The following TENM2 variants were observed in gnomAD, a reference collection of about 807,000 sequenced individuals.
TENM2 encodes teneurin-2.
A neutral mutation model predicts 245.2 loss-of-function variants in TENM2; 52 were observed. That is an observed-to-expected ratio of 0.21 (90% CI 0.17 to 0.27). TENM2 has a LOEUF of 0.27. Among genes scored for constraint, TENM2 ranks in the 10% least tolerant of loss-of-function variants. The probability of loss-of-function intolerance (pLI) is 1.00; values close to 1 mark genes in which losing one functional copy is unlikely to be tolerated. For synonymous variants in TENM2, 1,363 were observed against 1,438.9 expected (o/e 0.95, Z 1.19); for missense variants, 3,046 against 3,666.8 (o/e 0.83, Z 4.37).
At chr5:167,413,324 C>CAAT (rs1159118858) in intron 2 of TENM2, among the ~76,000 whole-genome samples, 3 of 151,986 alleles carry the variant, frequency 2.0e-5, no homozygotes, top group Non-Finnish European at 2.9e-5. Flanking sequence ...ACGATGTATT[C>CAAT]AATTTCTTCT....
chr5:167,572,106 T>G (rs1774304128), intron 2 of TENM2, among the ~76,000 whole-genome samples: 2 of 152,172 alleles, frequency 1.3e-5, no homozygotes, highest in African/African-American at 2.4e-5. Context: ...CTAAGCACAT[T>G]AGGGTGGAGG....
intron 2 of TENM2, among the ~76,000 whole-genome samples, chr5:167,716,500 A>G (rs1245836114): frequency 1.3e-5 from 2 of 152,198 alleles, no homozygotes; most frequent in African/African-American, 2.4e-5. Context: ...ATATTTACAT[A>G]CCTTCCAGAT....
chr5:168,002,098 G>C (rs560192315), intron 5 of TENM2, among the ~76,000 whole-genome samples: 3 of 152,270 alleles, frequency 2.0e-5, no homozygotes, highest in East Asian at 1.9e-4. Flanking sequence ...TCTTTCAAAG[G>C]CTTTTTTTGT....
chr5:167,479,206 TGTAAAGA>T (rs774769277), intron 2 of TENM2, among the ~76,000 whole-genome samples: 3 of 152,220 alleles, frequency 2.0e-5, no homozygotes, highest in Non-Finnish European at 2.9e-5. Flanking sequence ...ATGGTTTTTT[TGTAAAGA>T]CCAGAATACT....
intron 2 of TENM2, among the ~76,000 whole-genome samples, chr5:167,556,350 T>C (rs1156763108): frequency 6.6e-6 from 1 of 151,880 alleles, no homozygotes; most frequent in Non-Finnish European, 1.5e-5. Flanking sequence ...AAGGCAATAA[T>C]GGCATCTTTC....
the TENM2 span, among the ~76,000 whole-genome samples, chr5:167,204,372 A>G: frequency 6.6e-6 from 1 of 152,220 alleles, no homozygotes; most frequent in East Asian, 1.9e-4. Flanking sequence ...ATCAGTGAGA[A>G]GATTAATGTG....
the TENM2 span, among the ~76,000 whole-genome samples, chr5:167,263,412 A>AGG: frequency 1.3e-5 from 2 of 152,194 alleles, no homozygotes; most frequent in African/African-American, 4.8e-5. Flanking sequence ...TATATGCAGA[A>AGG]ACCCTGCTCC....
the TENM2 span, among the ~76,000 whole-genome samples, chr5:167,062,479 A>T: frequency 0.03 from 4,450 of 146,186 alleles, 94 homozygotes; most frequent in South Asian, 0.092. Context: ...ATTCACTAAG[A>T]CTCCATGTCC....
the TENM2 span, among the ~76,000 whole-genome samples, chr5:167,279,558 CTTCCTTCCTTCT>C: frequency 1.6e-5 from 2 of 123,168 alleles, no homozygotes; most frequent in Non-Finnish European, 3.3e-5. Context: ...TCCTTCCTTC[CTTCCTTCCTTCT>C]TTCTTCTGTT....
At position 167,948,094 on chromosome 5, in the gene TENM2, A is replaced by G. The variant is rs555584540; in HGVS notation, c.713-4494A>G. ...AACAATTTCTTCCTTAGAGCCCCTG[A>G]AAGTCTTCCTTTATATGTTGTTTAA... is the stretch of plus-strand genomic sequence containing the variant. On this transcript the variant is annotated intron_variant, in intron 3 of 28. Coordinates refer to ENST00000518659, the Ensembl canonical transcript of TENM2. 1.1e-4 allele frequency among the ~76,000 whole-genome samples: 17 copies of G among 152,324 alleles called. No homozygotes were observed. The South Asian group carries it at 3.5e-3, about 32-fold the overall frequency.
chr5:168,110,894 T>C (rs1794623482), intron 9 of TENM2, among the ~76,000 whole-genome samples: 1 of 152,224 alleles, frequency 6.6e-6, no homozygotes, highest in Admixed American at 6.5e-5. Flanking sequence ...CCCATATCTC[T>C]ACAGGTATTT....
intron 2 of TENM2, among the ~76,000 whole-genome samples, chr5:167,783,175 T>TG (rs1372628241): frequency 6.6e-6 from 1 of 150,824 alleles, no homozygotes; most frequent in Non-Finnish European, 1.5e-5. Context: ...AGAAACAGGT[T>TG]TTTTTTTTTT....
chr5:167,025,811 G>A, the TENM2 span, among the ~76,000 whole-genome samples: 234 of 152,218 alleles, frequency 1.5e-3, no homozygotes, highest in African/African-American at 5.3e-3. Flanking sequence ...AAGATAGTAT[G>A]TCAAGTTCCT....
chr5:167,072,022 T>C, the TENM2 span, among the ~76,000 whole-genome samples: 9 of 151,988 alleles, frequency 5.9e-5, no homozygotes, highest in African/African-American at 2.2e-4. Context: ...AGTCTTAAAT[T>C]GCTGCTTGAC....
intron 2 of TENM2, among the ~76,000 whole-genome samples, chr5:167,482,976 G>A (rs1213217094): frequency 3.3e-5 from 5 of 152,146 alleles, no homozygotes; most frequent in South Asian, 2.1e-4. Flanking sequence ...CTTTCACTAC[G>A]TTAAATTCAG....
At chr5:167,029,432 G>T in the TENM2 span, among the ~76,000 whole-genome samples, 176 of 152,320 alleles carry the variant, frequency 1.2e-3, 1 homozygote, top group Non-Finnish European at 1.8e-3. Context: ...GCTTTAGTTT[G>T]TCTGAAAGAT....
intron 9 of TENM2, among the ~76,000 whole-genome samples, chr5:168,101,043 G>A (rs1179994427): frequency 6.6e-6 from 1 of 152,132 alleles, no homozygotes; most frequent in Non-Finnish European, 1.5e-5. Flanking sequence ...GTCAATGGCA[G>A]GGGGCACATC....
chr5:167,364,496 T>G (rs1759919263), intron 1 of TENM2, among the ~76,000 whole-genome samples: 1 of 152,046 alleles, frequency 6.6e-6, no homozygotes, highest in Admixed American at 6.6e-5. Flanking sequence ...TCATACCAAT[T>G]AAAAGACAGA....
At chr5:167,143,874 C>G in the TENM2 span, among the ~76,000 whole-genome samples, 1 of 152,074 alleles carries the variant, frequency 6.6e-6, no homozygotes, top group Non-Finnish European at 1.5e-5. Flanking sequence ...GGCTTATATA[C>G]GAGATGCAGT....
Sources: allele counts gnomAD v4.1 joint callset (sites outside exome capture counted in the v4.1 genomes callset), GRCh38; gene constraint gnomAD v4.1.1; transcripts MANE v1.5; gene names NCBI Gene and HGNC (gene_info 2026-07-23, HGNC 2026-07-21).